Variants in HS3ST3A1 observed in about 807,000 individuals in gnomAD.
HS3ST3A1 encodes heparan sulfate-glucosamine 3-sulfotransferase 3A1, also known as heparan sulfate glucosamine 3-O-sulfotransferase 3A1.
In HS3ST3A1, 19 loss-of-function variants were observed where a neutral mutation model predicts 25.7. The observed-to-expected ratio is 0.74, with a 90% CI of 0.52 to 1.08. The LOEUF is 1.08. Among genes scored for constraint, HS3ST3A1 ranks in the 50% least tolerant of loss-of-function variants. The pLI is 0.00. For synonymous variants in HS3ST3A1, 226 were observed against 278.6 expected (o/e 0.81, Z 1.88); for missense variants, 459 against 594.3 (o/e 0.77, Z 2.37).
intron 1 of HS3ST3A1, among the ~76,000 whole-genome samples, chr17:13,522,398 G>GT (rs2142320205): frequency 6.6e-6 from 1 of 152,078 alleles, no homozygotes; most frequent in East Asian, 1.9e-4. Flanking sequence ...ATTTAATATG[G>GT]TTTTCTTTCA....
At chr17:13,501,322 T>C (rs140296137) in intron 1 of HS3ST3A1, among the ~76,000 whole-genome samples, 100 of 151,102 alleles carry the variant, frequency 6.6e-4, no homozygotes, top group Non-Finnish European at 1.2e-3. Context: ...TTAACACCAC[T>C]GAACCTAACA....
chr17:13,505,353 T>C (rs1255850775), intron 1 of HS3ST3A1, among the ~76,000 whole-genome samples: 1 of 152,184 alleles, frequency 6.6e-6, no homozygotes, highest in Non-Finnish European at 1.5e-5. Context: ...ACGAAGAAAT[T>C]TGTCTGCTTG....
rs775145767 is a variant in HS3ST3A1 at position 13,496,473 on chromosome 17, G to C, written c.945C>G (p.Leu315=). 1 of 1,398,302 alleles carries C rather than the reference G, an allele frequency of 7.2e-7. No homozygotes were observed. Among genetic ancestry groups the C allele is most frequent in the South Asian group, 1.3e-5 (1 of 77,772 alleles). 86.6% of individuals were successfully genotyped at this position (1,398,302 alleles called of 1,614,324 possible). A position where few individuals can be genotyped will look rare whatever the true frequency, so the allele number is the denominator to read the frequency against. ...CCAGCTCCCCGGCCGGGTCGCTGATGAGCCGCTCGCCGCTCACGAAGAGCA... is the reference window on the plus strand; with the variant it reads ...CCAGCTCCCCGGCCGGGTCGCTGATCAGCCGCTCGCCGCTCACGAAGAGCA... The part of the protein sequence containing the change: ...RQMLFVSGER[L]ISDPAGELGR... The change falls in exon 2 of 2, where the codon CTC becomes CTG. Residue 315 remains leucine, a synonymous_variant. Transcript: ENST00000284110.
chr17:13,598,662 T>C (rs1476420105), intron 1 of HS3ST3A1, among the ~76,000 whole-genome samples: 3 of 151,878 alleles, frequency 2.0e-5, no homozygotes, highest in Non-Finnish European at 4.4e-5. Context: ...AGTTTATGAC[T>C]CTTTTTTTTT....
intron 1 of HS3ST3A1, among the ~76,000 whole-genome samples, chr17:13,585,049 C>T (rs1014115233): frequency 1.8e-4 from 27 of 152,156 alleles, no homozygotes; most frequent in African/African-American, 6.3e-4. Context: ...TTTGATACCA[C>T]GGACCTTGAA....
chr17:13,557,498 C>T (rs920059334), intron 1 of HS3ST3A1, among the ~76,000 whole-genome samples: 1 of 151,812 alleles, frequency 6.6e-6, no homozygotes, highest in Non-Finnish European at 1.5e-5. Context: ...TTAAGTGATA[C>T]CTGTCCAATA....
chr17:13,569,062 G>A (rs78418336), intron 1 of HS3ST3A1, among the ~76,000 whole-genome samples: 2,499 of 152,262 alleles, frequency 0.016, 66 homozygotes, highest in African/African-American at 0.055. Context: ...TGAGGTCAAG[G>A]AGCATGGAGC....
intron 1 of HS3ST3A1, among the ~76,000 whole-genome samples, chr17:13,597,355 C>G (rs1908604768): frequency 6.6e-6 from 1 of 152,042 alleles, no homozygotes; most frequent in Admixed American, 6.6e-5. Flanking sequence ...CTAAGCTCGC[C>G]TGCTCTTGAA....
At chr17:13,593,547 G>A (rs1476982389) in intron 1 of HS3ST3A1, among the ~76,000 whole-genome samples, 1 of 152,174 alleles carries the variant, frequency 6.6e-6, no homozygotes, top group Non-Finnish European at 1.5e-5. Flanking sequence ...AACAGGTGCG[G>A]GGCAGGGGAG....
At chr17:13,512,101 C>A (rs1029777600) in intron 1 of HS3ST3A1, among the ~76,000 whole-genome samples, 2 of 151,948 alleles carry the variant, frequency 1.3e-5, no homozygotes, top group African/African-American at 4.8e-5. Context: ...AGATCGAGAC[C>A]ATCCTGGCTA....
Position 13,600,913 on chromosome 17 carries a change from C to T in HS3ST3A1, c.217G>A (p.Gly73Arg). The T allele has an allele frequency of 6.6e-7, 1 of 1,520,242 alleles. No individual in the cohort carries two copies. Among genetic ancestry groups the T allele is most frequent in the South Asian group, 1.2e-5 (1 of 81,462 alleles). The allele number at this position is 1,520,242 out of a possible 1,614,324, so 94.2% of individuals were successfully genotyped here. The change falls in exon 1 of 2, where the codon GGA becomes AGA. Residue 73 changes from glycine (G) to arginine (R), a missense_variant. Gly to Arg is a moderately radical substitution (Grantham distance 125, BLOSUM62 -2). This residue lies in a region of HS3ST3A1 where 346 missense variants were observed against 303.9 expected (regional missense o/e 1.14). Coordinates refer to ENST00000284110, the MANE Select transcript of HS3ST3A1 (RefSeq NM_006042.3). ...CACACCGCCAGCTCCCTCGGGCCTCCGGCCAGGACGCCGCCACCAGGGGCC... is the reference window on the plus strand; with the variant it reads ...CACACCGCCAGCTCCCTCGGGCCTCTGGCCAGGACGCCGCCACCAGGGGCC... ...AGAPGGGVLAGGPRELAVWPA... is the reference protein window; with the variant it reads ...AGAPGGGVLARGPRELAVWPA...
At position 13,601,158 on chromosome 17, in the gene HS3ST3A1, G is replaced by A; in HGVS notation, c.-29C>T. 2.0e-6 allele frequency: 3 copies of A among 1,472,390 alleles called. No individual in the cohort carries two copies. Among genetic ancestry groups the A allele is most frequent in the Non-Finnish European group, 2.7e-6 (3 of 1,109,988 alleles). The allele number at this position is 1,472,390 out of a possible 1,614,324, so 91.2% of individuals were successfully genotyped here. A position where few individuals can be genotyped will look rare whatever the true frequency, so the allele number is the denominator to read the frequency against. ...AGCCGGAGGCGACGTCGGGCAACGC[G>A]CCGGCCATGCTAGGCCTGGACCCCG... On this transcript the variant is annotated 5_prime_UTR_variant, in exon 1 of 2. Transcript: ENST00000284110.
At chr17:13,582,454 T>C (rs1653426378) in intron 1 of HS3ST3A1, among the ~76,000 whole-genome samples, 1 of 152,226 alleles carries the variant, frequency 6.6e-6, no homozygotes, top group Admixed American at 6.5e-5. Context: ...TATACTATGA[T>C]AATAGGAATA....
chr17:13,498,217 C>A (rs1003105637), intron 1 of HS3ST3A1, among the ~76,000 whole-genome samples: 1 of 152,200 alleles, frequency 6.6e-6, no homozygotes, highest in South Asian at 2.1e-4. Flanking sequence ...ATTTCTAGCA[C>A]AAATTCCTCA....
intron 1 of HS3ST3A1, among the ~76,000 whole-genome samples, chr17:13,558,858 C>A (rs895032206): frequency 2.0e-5 from 3 of 152,012 alleles, no homozygotes; most frequent in African/African-American, 7.2e-5. Flanking sequence ...TAAAAAATAG[C>A]CCTTGAAGAA....
At chr17:13,575,579 G>C (rs535740690) in intron 1 of HS3ST3A1, among the ~76,000 whole-genome samples, 7 of 152,284 alleles carry the variant, frequency 4.6e-5, no homozygotes, top group Admixed American at 2.6e-4. Context: ...AAAGATTTTA[G>C]CTCCTTCTGC....
intron 1 of HS3ST3A1, among the ~76,000 whole-genome samples, chr17:13,516,226 C>T (rs1315087738): frequency 2.6e-5 from 4 of 152,106 alleles, no homozygotes; most frequent in Non-Finnish European, 4.4e-5. Context: ...AGGAGAATCG[C>T]TTGAACCCAG....
intron 1 of HS3ST3A1, among the ~76,000 whole-genome samples, 162 bp from the exon 2 acceptor site, chr17:13,496,980 A>G (rs1345412559): frequency 6.6e-6 from 1 of 152,158 alleles, no homozygotes; most frequent in African/African-American, 2.4e-5. Context: ...CGCACCTCAG[A>G]TTCCTCGTGT....
chr17:13,501,963 G>A (rs560057484), intron 1 of HS3ST3A1, among the ~76,000 whole-genome samples: 1 of 152,336 alleles, frequency 6.6e-6, no homozygotes, highest in Non-Finnish European at 1.5e-5. Context: ...TTATTATGGT[G>A]TGAGAGAGAT....
Sources: allele counts gnomAD v4.1 joint callset (sites outside exome capture counted in the v4.1 genomes callset), GRCh38; gene constraint gnomAD v4.1.1; regional missense constraint gnomAD v4.1.1; transcripts MANE v1.5; gene names NCBI Gene and HGNC (gene_info 2026-07-23, HGNC 2026-07-21).